Variants in LTBP2 observed in about 807,000 individuals in gnomAD.
LTBP2 encodes the protein latent-transforming growth factor beta-binding protein 2.
In LTBP2, 103 loss-of-function variants were observed where a neutral mutation model predicts 210.6. That is an observed-to-expected ratio of 0.49 (90% CI 0.42 to 0.58). The LOEUF (loss-of-function observed/expected upper bound fraction) is 0.58. Among genes scored for constraint, LTBP2 ranks in the 20% least tolerant of loss-of-function variants. The pLI, the probability that LTBP2 is intolerant of heterozygous loss-of-function variation, is 0.00. For missense variants in LTBP2, 2,313 were observed against 2,494.5 expected (o/e 0.93, Z 1.55); for synonymous variants, 1,007 against 1,015.0 (o/e 0.99, Z 0.15).
At chr14:74,550,677 G>A (rs1365839440) in intron 7 of LTBP2, among the ~76,000 whole-genome samples, 1 of 152,094 alleles carries the variant, frequency 6.6e-6, no homozygotes, top group Non-Finnish European at 1.5e-5. Flanking sequence ...ACACCTCTGT[G>A]ACCCCAACTG....
At chr14:74,574,746 G>A (rs61980910) in intron 3 of LTBP2, among the ~76,000 whole-genome samples, 14,996 of 152,162 alleles carry the variant, frequency 0.099, 1,072 homozygotes, top group African/African-American at 0.2. Flanking sequence ...CCCAGGATGC[G>A]GTCCATATAT....
At chr14:74,568,446 G>A (rs999343694) in intron 3 of LTBP2, among the ~76,000 whole-genome samples, 3 of 151,980 alleles carry the variant, frequency 2.0e-5, no homozygotes, top group Non-Finnish European at 2.9e-5. Flanking sequence ...AGGAAGGGGT[G>A]GGGAGTGCAG....
chr14:74,529,552 G>C (rs2087324524), intron 10 of LTBP2, among the ~76,000 whole-genome samples: 1 of 152,180 alleles, frequency 6.6e-6, no homozygotes, highest in Non-Finnish European at 1.5e-5. Context: ...GAGCTCGGAG[G>C]ACAGGGACCC....
Position 74,549,956 on chromosome 14 carries a change from G to T in LTBP2, c.1696C>A (p.Pro566Thr), listed in dbSNP as rs761595193. Residue 566 changes from proline to threonine, a missense_variant, in exon 8 of 36, where the codon CCT becomes ACT. Transcript: ENST00000261978. The part of the protein sequence containing the change: ...LNTVNGQCAN[P>T]LLELTTQEDC... The stretch of plus-strand genomic sequence containing the variant: ...TCCTGGGTAGTCAGCTCCAGCAGAG[G>T]GTTGGCACACTGGAAGGAGAGGCCA... 2.6e-5 allele frequency: 42 copies of T among 1,612,718 alleles called. No homozygotes were observed. In the Admixed American group the frequency reaches 6.8e-4, roughly 26 times the overall value.
chr14:74,537,568 C>A (rs2087438183), intron 8 of LTBP2, among the ~76,000 whole-genome samples: 1 of 152,206 alleles, frequency 6.6e-6, no homozygotes. Flanking sequence ...GAATGCTGCA[C>A]CCTCCATCTC....
At chr14:74,525,068 C>T in intron 15 of LTBP2, 56 bp downstream of exon 15, 1 of 1,040,032 alleles carries the variant, frequency 9.6e-7, no homozygotes, top group Admixed American at 3.1e-5. Context: ...TGGCTCTGGA[C>T]AGACACAGCT....
chr14:74,561,439 T>C (rs1370438100), intron 3 of LTBP2, among the ~76,000 whole-genome samples: 1 of 152,178 alleles, frequency 6.6e-6, no homozygotes, highest in East Asian at 1.9e-4. Flanking sequence ...TTGCAGAATA[T>C]ATGGATAGTA....
At chr14:74,578,688 C>G (rs545933194) in intron 3 of LTBP2, among the ~76,000 whole-genome samples, 10 of 152,204 alleles carry the variant, frequency 6.6e-5, no homozygotes, top group Non-Finnish European at 1.5e-4. Flanking sequence ...ATATCATCAG[C>G]AGACCTGTCC....
At chr14:74,596,616 A>G (rs1198491287) in intron 2 of LTBP2, among the ~76,000 whole-genome samples, 1 of 152,152 alleles carries the variant, frequency 6.6e-6, no homozygotes, top group Non-Finnish European at 1.5e-5. Context: ...CTGTGGTATC[A>G]CCCAGGAGAG....
At position 74,552,400 on chromosome 14, in the gene LTBP2, C is replaced by T; in HGVS notation, c.1193-7G>A. ...CAGGGGATCTGGCAGAAATCTGCAA[C>T]ATCAACCCTCAAGGTAACCAGCGGT... On this transcript the variant is annotated splice_region_variant and splice_polypyrimidine_tract_variant and intron_variant, in intron 5 of 35. Transcript: ENST00000261978. The T allele has an allele frequency of 6.2e-7, 1 of 1,602,672 alleles. No homozygotes were observed. The highest frequency in any genetic ancestry group is 8.5e-7 in the Non-Finnish European group (1 of 1,179,762).
At chr14:74,549,833 C>T (rs762576130) in intron 8 of LTBP2, 30 bp downstream of exon 8, 1 of 1,580,358 alleles carries the variant, frequency 6.3e-7, no homozygotes, top group East Asian at 2.2e-5. Context: ...GCTTCCTCCA[C>T]AACACGTGAC....
chr14:74,552,251 G>A lies in LTBP2; in HGVS notation c.1335C>T (p.Pro445=). 2 of 1,613,088 alleles carry A rather than the reference G, an allele frequency of 1.2e-6. No homozygotes were observed. Among genetic ancestry groups the A allele is most frequent in the Non-Finnish European group, 1.7e-6 (2 of 1,179,880 alleles). The stretch of plus-strand genomic sequence containing the variant: ...TCAGTGGGGCTTCCAGCAAGGCCCT[G>A]GGGCGGGACCCCCTCCCTGGAGGCT... The part of the protein sequence containing the change: ...DREPPGRGSR[P]RALLEAPLKQ... The change falls in exon 6 of 36, where the codon CCC becomes CCT. Residue 445 remains proline (P), a synonymous_variant. Transcript: ENST00000261978.
chr14:74,518,129 C>T (rs1280404795), intron 17 of LTBP2, among the ~76,000 whole-genome samples: 1 of 152,214 alleles, frequency 6.6e-6, no homozygotes, highest in African/African-American at 2.4e-5. Context: ...CCTGTCCCCA[C>T]AGTCAAATTA....
Position 74,552,317 on chromosome 14 carries a change from G to A in LTBP2, c.1269C>T (p.Thr423=), listed in dbSNP as rs779388483. Residue 423 remains threonine (T), a synonymous_variant, in exon 6 of 36, where the codon ACC becomes ACT. Transcript: ENST00000261978. The part of the protein sequence containing the change: ...RDECWCPANS[T]GKFCHLPIPQ... ...GGATAGGCAGGTGGCAGAACTTCCC[G>A]GTGGAGTTGGCGGGGCACCAGCATT... 3.7e-5 allele frequency: 59 copies of A among 1,612,714 alleles called. No individual in the cohort carries two copies. The highest frequency in any genetic ancestry group is 1.6e-4 in the Middle Eastern group (1 of 6,084).
intron 10 of LTBP2, 121 bp downstream of exon 10, chr14:74,532,305 G>T (rs942438710): frequency 4.4e-6 from 6 of 1,372,782 alleles, no homozygotes; most frequent in African/African-American, 2.9e-5. Flanking sequence ...GCCGACACAG[G>T]CCCTGAGCAT....
In LTBP2 at chr14:74,585,784, C is replaced by A. The variant is rs1352487463; in HGVS notation, c.830+70G>T. On this transcript the variant is annotated intron_variant, in intron 3 of 35. Transcript: ENST00000261978. ...TCTCCACCAGCCTTCACCAAACGGT[C>A]CAAAGGAAGAAGCCCCTCCAAAAAG... 4.7e-5 allele frequency: 75 copies of A among 1,611,258 alleles called. No individual in the cohort carries two copies. In the South Asian group the frequency reaches 7.9e-4, roughly 17 times the overall value.
intron 9 of LTBP2, among the ~76,000 whole-genome samples, chr14:74,533,105 C>T (rs952478049): frequency 2.6e-5 from 4 of 152,346 alleles, no homozygotes; most frequent in East Asian, 1.9e-4. Flanking sequence ...CTTGGCCTCC[C>T]GAAGTGCTGA....
intron 1 of LTBP2, among the ~76,000 whole-genome samples, chr14:74,605,089 G>C (rs999063962): frequency 5.3e-5 from 8 of 152,204 alleles, no homozygotes; most frequent in African/African-American, 1.9e-4. Flanking sequence ...GGAACTAGAG[G>C]GTAAGAGGGG....
chr14:74,526,139 C>T, intron 13 of LTBP2, 25 bp from the exon 14 acceptor site: 1 of 1,586,168 alleles, frequency 6.3e-7, no homozygotes, highest in African/African-American at 1.3e-5. Context: ...GAGAAGGTCA[C>T]TTTTGGCTCC....
Sources: allele counts gnomAD v4.1 joint callset (sites outside exome capture counted in the v4.1 genomes callset), GRCh38; gene constraint gnomAD v4.1.1; transcripts MANE v1.5; gene names NCBI Gene and HGNC (gene_info 2026-07-23, HGNC 2026-07-21).